The following AFAP1 variants were observed in gnomAD, a reference collection of about 807,000 sequenced individuals.
AFAP1 encodes the protein actin filament-associated protein 1.
Under a neutral mutation model 93.9 loss-of-function variants are expected in AFAP1, and 75 were observed. The ratio of observed to expected loss-of-function variants is 0.80; its 90% CI spans 0.66 to 0.97. The LOEUF is 0.97. Ranked by LOEUF, AFAP1 falls within the 50% of genes least tolerant of loss-of-function variation. The pLI is 0.00. For synonymous variants in AFAP1, 517 were observed against 430.7 expected (o/e 1.20, Z -2.48); for missense variants, 1,201 against 1,050.8 (o/e 1.14, Z -1.98).
chr4:7,798,039 AG>A (rs1718608560), intron 10 of AFAP1, among the ~76,000 whole-genome samples: 1 of 152,212 alleles, frequency 6.6e-6, no homozygotes, highest in Non-Finnish European at 1.5e-5. Flanking sequence ...TCAAAACAAA[AG>A]TTAAAATAAA....
chr4:7,917,719 G>A (rs1176692124), intron 1 of AFAP1, among the ~76,000 whole-genome samples: 1 of 152,084 alleles, frequency 6.6e-6, no homozygotes, highest in Non-Finnish European at 1.5e-5. Flanking sequence ...GAGATAAAAT[G>A]TCTATTGTGA....
chr4:7,938,106 G>C lies in AFAP1; in HGVS notation c.-3+1550C>G, dbSNP rs2149250201. On this transcript the variant is annotated intron_variant, in intron 1 of 17. Coordinates refer to ENST00000420658, the MANE Select transcript of AFAP1 (RefSeq NM_001134647.2). ...CAAGCAAAGCTTCAGAGAGAAGGGAGCCACCTCAACAGAGTCCATAGCAAT... is the reference window on the plus strand; with the variant it reads ...CAAGCAAAGCTTCAGAGAGAAGGGACCCACCTCAACAGAGTCCATAGCAAT... Among the ~76,000 whole-genome samples the C allele has an allele frequency of 2.6e-5, 4 of 152,256 alleles. No homozygotes were observed. The South Asian group carries it at 8.3e-4, about 32-fold the overall frequency.
intron 9 of AFAP1, 70 bp downstream of exon 9, chr4:7,809,544 G>C: frequency 1.3e-6 from 2 of 1,530,342 alleles, no homozygotes; most frequent in Non-Finnish European, 1.8e-6. Context: ...ACTGGGTACC[G>C]ACACCACTGC....
At chr4:7,911,981 C>A (rs1218736908) in intron 1 of AFAP1, among the ~76,000 whole-genome samples, 2 of 152,072 alleles carry the variant, frequency 1.3e-5, no homozygotes, top group African/African-American at 2.4e-5. Flanking sequence ...GTGGCTCTTA[C>A]AACAGTTCAA....
Position 7,809,774 on chromosome 4 carries a change from T to A in AFAP1, c.905-11A>T. ...TTTTCTTCCTCTTCACTGTCAAGAGTAACAACAGCAAAAAAGCATGTTTTA... is the reference window on the plus strand; with the variant it reads ...TTTTCTTCCTCTTCACTGTCAAGAGAAACAACAGCAAAAAAGCATGTTTTA... On this transcript the variant is annotated splice_polypyrimidine_tract_variant and intron_variant, in intron 8 of 17. Transcript: ENST00000420658. The A allele has an allele frequency of 6.2e-7, 1 of 1,602,074 alleles. No individual in the cohort carries two copies. Among genetic ancestry groups the A allele is most frequent in the Non-Finnish European group, 8.5e-7 (1 of 1,176,394 alleles).
At chr4:7,910,286 A>T (rs551172328) in intron 1 of AFAP1, among the ~76,000 whole-genome samples, 1 of 152,270 alleles carries the variant, frequency 6.6e-6, no homozygotes, top group East Asian at 1.9e-4. Flanking sequence ...GGGAGTCAAA[A>T]GACTGGGGAA....
At chr4:7,850,126 A>C (rs1714270097) in intron 4 of AFAP1, among the ~76,000 whole-genome samples, 1 of 151,784 alleles carries the variant, frequency 6.6e-6, no homozygotes, top group Admixed American at 6.6e-5. Flanking sequence ...TCTAAGTCCG[A>C]GATCTCACTC....
chr4:7,822,062 T>C (rs1468148493), intron 6 of AFAP1, among the ~76,000 whole-genome samples: 1 of 151,078 alleles, frequency 6.6e-6, no homozygotes, highest in Non-Finnish European at 1.5e-5. Flanking sequence ...TTTTGGTCTT[T>C]ACTCCCTCAC....
At chr4:7,775,303 T>C in intron 14 of AFAP1, 1 of 158,384 alleles carries the variant, frequency 6.3e-6, no homozygotes. Flanking sequence ...AATTCTCCAA[T>C]ATTCTTTGAA....
intron 9 of AFAP1, among the ~76,000 whole-genome samples, chr4:7,804,360 T>C (rs529315998): frequency 6.6e-6 from 1 of 152,354 alleles, no homozygotes; most frequent in South Asian, 2.1e-4. Context: ...ACTTATCATA[T>C]TATGGTAGGG....
At chr4:7,903,714 G>A (rs1283748017) in intron 1 of AFAP1, among the ~76,000 whole-genome samples, 1 of 152,070 alleles carries the variant, frequency 6.6e-6, no homozygotes, top group Non-Finnish European at 1.5e-5. Context: ...TATAAGCAGA[G>A]AATAAGATAC....
chr4:7,779,761 C>T (rs1485557293), intron 13 of AFAP1, among the ~76,000 whole-genome samples: 1 of 152,172 alleles, frequency 6.6e-6, no homozygotes, highest in Admixed American at 6.5e-5. Flanking sequence ...TACCTCCCCA[C>T]AGTGTTCCTA....
At chr4:7,790,210 T>C (rs1469752779) in intron 11 of AFAP1, among the ~76,000 whole-genome samples, 1 of 152,178 alleles carries the variant, frequency 6.6e-6, no homozygotes, top group African/African-American at 2.4e-5. Flanking sequence ...ACATCTCATC[T>C]CTCTTAAGTG....
chr4:7,882,927 G>A (rs1008359391), intron 1 of AFAP1, among the ~76,000 whole-genome samples: 3 of 152,050 alleles, frequency 2.0e-5, no homozygotes, highest in African/African-American at 7.2e-5. Flanking sequence ...ACTCACACCT[G>A]TAATCCCAGC....
At chr4:7,927,382 T>C (rs1720824278) in intron 1 of AFAP1, among the ~76,000 whole-genome samples, 1 of 152,318 alleles carries the variant, frequency 6.6e-6, no homozygotes, top group East Asian at 1.9e-4. Context: ...CTCTCTGTGG[T>C]TCAGTTTCTT....
intron 11 of AFAP1, among the ~76,000 whole-genome samples, chr4:7,788,398 C>T (rs867171698): frequency 6.6e-6 from 1 of 152,228 alleles, no homozygotes; most frequent in Non-Finnish European, 1.5e-5. Flanking sequence ...TTCAGCAGTG[C>T]GGGCCGCGGA....
intron 6 of AFAP1, among the ~76,000 whole-genome samples, chr4:7,833,237 T>C (rs1418162916): frequency 6.6e-6 from 1 of 152,104 alleles, no homozygotes; most frequent in Non-Finnish European, 1.5e-5. Context: ...GAGAAAACCT[T>C]CACAATCTAT....
chr4:7,783,588 C>G (rs888498869), intron 12 of AFAP1, among the ~76,000 whole-genome samples: 2 of 152,216 alleles, frequency 1.3e-5, no homozygotes, highest in Middle Eastern at 3.2e-3. Context: ...TGTAGCCCAG[C>G]AATACACACA....
chr4:7,767,127 G>A (rs925811383), intron 17 of AFAP1, among the ~76,000 whole-genome samples: 10 of 152,154 alleles, frequency 6.6e-5, no homozygotes, highest in East Asian at 1.9e-4. Context: ...TGCTCAGTCC[G>A]TCCCCTTCTG....
Sources: allele counts gnomAD v4.1 joint callset (sites outside exome capture counted in the v4.1 genomes callset), GRCh38; gene constraint gnomAD v4.1.1; transcripts MANE v1.5; gene names NCBI Gene and HGNC (gene_info 2026-07-23, HGNC 2026-07-21).